GPC5: variants seen among roughly 807,000 people sequenced by gnomAD.
The protein encoded by GPC5 is glypican-5.
A neutral mutation model predicts 53.9 loss-of-function variants in GPC5; 47 were observed. That is an observed-to-expected ratio of 0.87 (90% CI 0.69 to 1.11). The LOEUF (loss-of-function observed/expected upper bound fraction) is 1.11, where lower values mean the gene tolerates loss of function less well. GPC5 is among the 50% of genes most tolerant of loss of function. The pLI, the probability that GPC5 is intolerant of heterozygous loss-of-function variation, is 0.00. For missense variants in GPC5, 748 were observed against 713.1 expected (o/e 1.05, Z -0.56); for synonymous variants, 286 against 263.3 (o/e 1.09, Z -0.84).
At chr13:92,361,513 G>C (rs1410737685) in intron 7 of GPC5, among the ~76,000 whole-genome samples, 1 of 151,706 alleles carries the variant, frequency 6.6e-6, no homozygotes, top group Non-Finnish European at 1.5e-5. Flanking sequence ...TTATGAGAGA[G>C]CATGAGTTGA....
chr13:92,609,677 TTAAG>T (rs1425344231), intron 7 of GPC5, among the ~76,000 whole-genome samples: 1 of 152,094 alleles, frequency 6.6e-6, no homozygotes, highest in Non-Finnish European at 1.5e-5. Flanking sequence ...GTTGATGCTT[TTAAG>T]TAAGAAAAAC....
At chr13:92,164,889 C>T (rs1183553361) in intron 7 of GPC5, among the ~76,000 whole-genome samples, 4 of 152,228 alleles carry the variant, frequency 2.6e-5, no homozygotes, top group African/African-American at 7.2e-5. Context: ...CATCCACAGG[C>T]TCAACACCAT....
intron 5 of GPC5, among the ~76,000 whole-genome samples, chr13:91,833,037 T>C (rs1212193072): frequency 2.6e-5 from 4 of 151,546 alleles, no homozygotes; most frequent in African/African-American, 4.8e-5. Flanking sequence ...ATCAAATAGA[T>C]GCAATAAAAA....
At chr13:92,810,484 T>C (rs999989426) in intron 7 of GPC5, among the ~76,000 whole-genome samples, 2 of 151,968 alleles carry the variant, frequency 1.3e-5, no homozygotes, top group African/African-American at 4.8e-5. Flanking sequence ...GAGTGTACAA[T>C]TTAATGGCAT....
chr13:91,533,862 C>T (rs1886463873), intron 2 of GPC5, among the ~76,000 whole-genome samples: 10 of 152,096 alleles, frequency 6.6e-5, no homozygotes, highest in Admixed American at 6.5e-4. Flanking sequence ...AAGTCTGAAT[C>T]AGAGACTTGA....
At chr13:91,770,820 A>C (rs778767037) in intron 5 of GPC5, among the ~76,000 whole-genome samples, 2 of 151,990 alleles carry the variant, frequency 1.3e-5, no homozygotes, top group Non-Finnish European at 2.9e-5. Flanking sequence ...TGTGAATATA[A>C]AGTTTGAGGG....
intron 2 of GPC5, among the ~76,000 whole-genome samples, chr13:91,659,907 G>A (rs1416571626): frequency 2.0e-5 from 3 of 152,152 alleles, no homozygotes; most frequent in Non-Finnish European, 2.9e-5. Flanking sequence ...AACAAACAAA[G>A]CCTCTTTATT....
intron 7 of GPC5, among the ~76,000 whole-genome samples, chr13:92,279,881 G>A (rs752817240): frequency 3.3e-5 from 5 of 152,014 alleles, no homozygotes; most frequent in Non-Finnish European, 5.9e-5. Flanking sequence ...TTTTCTTATG[G>A]TATCTGATTT....
At chr13:92,339,837 T>G (rs749015882) in intron 7 of GPC5, 1 of 152,156 alleles carries the variant, frequency 6.6e-6, no homozygotes, top group Non-Finnish European at 1.5e-5. Context: ...ACCTATTTTC[T>G]AATCAACACC....
chr13:91,557,689 T>A (rs926112082), intron 2 of GPC5, among the ~76,000 whole-genome samples: 4 of 152,166 alleles, frequency 2.6e-5, no homozygotes, highest in Non-Finnish European at 5.9e-5. Flanking sequence ...TTCAAACAGA[T>A]TCCTCATATT....
intron 2 of GPC5, among the ~76,000 whole-genome samples, chr13:91,673,564 G>A (rs564442295): frequency 3.3e-5 from 5 of 152,164 alleles, no homozygotes; most frequent in Non-Finnish European, 7.3e-5. Context: ...GCCTTTAGAT[G>A]TAAGCTTCCT....
intron 2 of GPC5, among the ~76,000 whole-genome samples, chr13:91,580,190 A>G (rs1374246113): frequency 2.0e-5 from 3 of 152,054 alleles, no homozygotes; most frequent in South Asian, 2.1e-4. Context: ...ATCTGGGACT[A>G]CAGGCGCCTG....
At chr13:91,423,217 AT>A (rs1878766920) in intron 1 of GPC5, among the ~76,000 whole-genome samples, 1 of 152,240 alleles carries the variant, frequency 6.6e-6, no homozygotes, top group African/African-American at 2.4e-5. Flanking sequence ...TTGAAATGGT[AT>A]AGTGTACTGG....
intron 7 of GPC5, among the ~76,000 whole-genome samples, chr13:92,641,682 C>G (rs923051666): frequency 2.6e-5 from 4 of 152,044 alleles, no homozygotes; most frequent in African/African-American, 7.2e-5. Flanking sequence ...ATTTTCTGTT[C>G]CTACAGTAGC....
intron 7 of GPC5, among the ~76,000 whole-genome samples, chr13:92,172,252 GT>G (rs1208082009): frequency 6.6e-6 from 1 of 152,174 alleles, no homozygotes; most frequent in Non-Finnish European, 1.5e-5. Flanking sequence ...CCAGTTTGGA[GT>G]AGTGGGGTCA....
At chr13:92,765,685 T>G (rs913562364) in intron 7 of GPC5, among the ~76,000 whole-genome samples, 3 of 152,120 alleles carry the variant, frequency 2.0e-5, no homozygotes, top group African/African-American at 7.2e-5. Flanking sequence ...CAATCTGAAT[T>G]CAAAATTGCA....
intron 7 of GPC5, among the ~76,000 whole-genome samples, chr13:92,382,464 T>C (rs1322711591): frequency 1.3e-5 from 2 of 152,198 alleles, no homozygotes; most frequent in African/African-American, 4.8e-5. Context: ...GTTACAATGA[T>C]CTGTTGTATT....
intron 7 of GPC5, among the ~76,000 whole-genome samples, chr13:92,521,165 T>C (rs1401956588): frequency 6.6e-6 from 1 of 152,092 alleles, no homozygotes; most frequent in Admixed American, 6.6e-5. Flanking sequence ...TGCTCACGGG[T>C]GGGAAGAATC....
At chr13:92,703,957 G>A (rs372962092) in intron 7 of GPC5, among the ~76,000 whole-genome samples, 55 of 151,930 alleles carry the variant, frequency 3.6e-4, no homozygotes, top group Admixed American at 1.2e-3. Flanking sequence ...GTTAAATACC[G>A]TTGTTCCATG....
Sources: gnomAD v4.1 joint callset for allele counts (sites outside exome capture counted in the v4.1 genomes callset) on GRCh38, gnomAD v4.1.1 for gene constraint, MANE v1.5 for transcripts, NCBI Gene and HGNC (gene_info 2026-07-23, HGNC 2026-07-21) for gene names.